Variants in CCL22 observed in about 807,000 individuals in gnomAD.
The protein encoded by CCL22 is C-C motif chemokine 22.
In CCL22, 7 loss-of-function variants were observed where a neutral mutation model predicts 7.6. The ratio of observed to expected loss-of-function variants is 0.92; its 90% CI spans 0.52 to 1.72. The LOEUF is 1.72. Ranked by LOEUF, CCL22 falls within the 40% of genes most tolerant of loss-of-function variation. The pLI is 0.00. For synonymous variants in CCL22, 55 were observed against 47.2 expected (o/e 1.17, Z -0.68); for missense variants, 115 against 124.7 (o/e 0.92, Z 0.37).
intron 2 of CCL22, among the ~76,000 whole-genome samples, chr16:57,361,792 A>G (rs1207543773): frequency 6.6e-6 from 1 of 152,016 alleles, no homozygotes; most frequent in Non-Finnish European, 1.5e-5. Context: ...TTGGGCCTCT[A>G]TTATCTTCTC....
rs765205372 is a variant in CCL22, at chr16:57,363,607, C to G, written c.*19C>G. Reference sequence around the variant, plus strand: ...CCAATGAAGAGCCTACTCTGATGACCGTGGCCTTGGCTCCTCCAGGAAGGC... The same window carrying G: ...CCAATGAAGAGCCTACTCTGATGACGGTGGCCTTGGCTCCTCCAGGAAGGC... On this transcript the variant is annotated 3_prime_UTR_variant, in exon 3 of 3. Coordinates refer to ENST00000219235, the MANE Select transcript of CCL22 (RefSeq NM_002990.5). The G allele has an allele frequency of 6.4e-7, 1 of 1,569,894 alleles. No individual in the cohort carries two copies. The highest frequency in any genetic ancestry group is 2.2e-5 in the East Asian group (1 of 44,694).
At position 57,360,479 on chromosome 16, in the gene CCL22, A is replaced by T. The variant is rs776925424; in HGVS notation, c.116A>T (p.Asp39Val). 10 of 1,614,222 alleles carry T rather than the reference A, an allele frequency of 6.2e-6. No individual in the cohort carries two copies. The Admixed American group carries it at 1.7e-4, about 27-fold the overall frequency. ...ANMEDSVCCR[D>V]YVRYRLPLRV... ...ATGGAAGACAGCGTCTGCTGCCGTG[A>T]TTACGTCCGTTACCGTCTGCCCCTG... is the stretch of plus-strand genomic sequence containing the variant. Residue 39 changes from aspartate to valine, a missense_variant, in exon 2 of 3, where the codon GAT becomes GTT. Physicochemically the swap from Asp to Val is radical, Grantham distance 152. Transcript: ENST00000219235.
rs759400823 is a variant in CCL22, at chr16:57,363,513, C to T, written c.207C>T (p.Thr69=). 6.2e-7 allele frequency: 1 copy of T among 1,612,210 alleles called. No individual in the cohort carries two copies. The highest frequency in any genetic ancestry group is 8.5e-7 in the Non-Finnish European group (1 of 1,178,370). The change falls in exon 3 of 3, where the codon ACC becomes ACT. Residue 69 remains threonine (T), a synonymous_variant. Coordinates refer to ENST00000219235, the MANE Select transcript of CCL22 (RefSeq NM_002990.5). ...SCPRPGVVLL[T]FRDKEICADP... ...GGTCTCCTTCTTCCAGGTTGCTAACCTTCAGGGATAAGGAGATCTGTGCCG... is the reference window on the plus strand; with the variant it reads ...GGTCTCCTTCTTCCAGGTTGCTAACTTTCAGGGATAAGGAGATCTGTGCCG...
chr16:57,363,626 G>A lies in CCL22; in HGVS notation c.*38G>A, dbSNP rs1432496110. The A allele has an allele frequency of 7.6e-7, 1 of 1,323,086 alleles. No individual in the cohort carries two copies. Among genetic ancestry groups the A allele is most frequent in the Non-Finnish European group, 1.1e-6 (1 of 916,074 alleles). The allele number at this position is 1,323,086 out of a possible 1,614,324, so 82.0% of individuals were successfully genotyped here. ...GATGACCGTGGCCTTGGCTCCTCCA[G>A]GAAGGCTCAGGAGCCCTACCTCCCT... is the stretch of plus-strand genomic sequence containing the variant. On this transcript the variant is annotated 3_prime_UTR_variant, in exon 3 of 3. Coordinates refer to ENST00000219235, the MANE Select transcript of CCL22 (RefSeq NM_002990.5).
chr16:57,362,973 G>C (rs1265033071), intron 2 of CCL22, among the ~76,000 whole-genome samples: 2 of 152,008 alleles, frequency 1.3e-5, no homozygotes, highest in African/African-American at 4.8e-5. Flanking sequence ...TGAGGGTCCT[G>C]GAAGTCCTTG....
intron 1 of CCL22, 123 bp from the exon 2 acceptor site, chr16:57,360,314 C>T: frequency 8.2e-7 from 1 of 1,222,602 alleles, no homozygotes; most frequent in East Asian, 2.4e-5. Flanking sequence ...ACCATCCTTC[C>T]ACATGAGAAC....
At chr16:57,363,457 C>CG in intron 2 of CCL22, 47 bp from the exon 3 acceptor site, 1 of 1,287,166 alleles carries the variant, frequency 7.8e-7, no homozygotes, top group Non-Finnish European at 1.1e-6. Flanking sequence ...GGCATCCTTG[C>CG]TGCGTGCTAA....
At chr16:57,362,553 GA>G (rs1398915958) in intron 2 of CCL22, among the ~76,000 whole-genome samples, 1 of 152,032 alleles carries the variant, frequency 6.6e-6, no homozygotes, top group African/African-American at 2.4e-5. Context: ...GTAGTTAAGT[GA>G]TATTATAAGA....
In CCL22 at chr16:57,360,580, C is replaced by T. The variant is rs1305396197; in HGVS notation, c.197+20C>T. The T allele has an allele frequency of 6.2e-7, 1 of 1,613,866 alleles. No individual in the cohort carries two copies. The highest frequency in any genetic ancestry group is 1.1e-5 in the South Asian group (1 of 91,078). On this transcript the variant is annotated intron_variant, in intron 2 of 2. Transcript: ENST00000219235. Reference sequence around the variant, plus strand: ...CGTGGTGTGAGTAGGGAGCTGGGGCCACAGGGCCTTGGTGGGCCTGACGGG... The same window carrying T: ...CGTGGTGTGAGTAGGGAGCTGGGGCTACAGGGCCTTGGTGGGCCTGACGGG...
intron 2 of CCL22, among the ~76,000 whole-genome samples, chr16:57,361,952 A>G (rs1325234007): frequency 1.3e-5 from 2 of 152,116 alleles, no homozygotes. Flanking sequence ...TAATAACCTA[A>G]ACTTATTTGA....
intron 2 of CCL22, among the ~76,000 whole-genome samples, chr16:57,362,980 C>T (rs1453217811): frequency 6.6e-6 from 1 of 152,024 alleles, no homozygotes; most frequent in Non-Finnish European, 1.5e-5. Flanking sequence ...CCTGGAAGTC[C>T]TTGCTGCCTC....
At position 57,360,436 on chromosome 16, in the gene CCL22, G is replaced by A. The variant is rs1328403562; in HGVS notation, c.74-1G>A. On this transcript the variant is annotated splice_acceptor_variant, in intron 1 of 2. Transcript: ENST00000219235. LOFTEE classifies it high-confidence loss of function. Reference sequence around the variant, plus strand: ...GAATTCACTGGGGACCCCTCCCCTAGGCCCCTACGGCGCCAACATGGAAGA... The same window carrying A: ...GAATTCACTGGGGACCCCTCCCCTAAGCCCCTACGGCGCCAACATGGAAGA... 6.2e-7 allele frequency: 1 copy of A among 1,614,050 alleles called. No homozygotes were observed. Among genetic ancestry groups the A allele is most frequent in the Non-Finnish European group, 8.5e-7 (1 of 1,180,038 alleles).
intron 2 of CCL22, among the ~76,000 whole-genome samples, chr16:57,360,861 A>G (rs1902041094): frequency 6.6e-6 from 1 of 152,218 alleles, no homozygotes; most frequent in Non-Finnish European, 1.5e-5. Flanking sequence ...TGGGTATGGC[A>G]GTAGGTAGTC....
chr16:57,361,117 A>G (rs796730590), intron 2 of CCL22, among the ~76,000 whole-genome samples: 6 of 151,916 alleles, frequency 3.9e-5, no homozygotes, highest in African/African-American at 1.2e-4. Flanking sequence ...AAATTAGCTG[A>G]GTGTGATGGT....
At chr16:57,359,718 C>T (rs223817) in intron 1 of CCL22, among the ~76,000 whole-genome samples, 107,677 of 151,100 alleles carry the variant, frequency 0.71, 41,356 homozygotes, top group Non-Finnish European at 0.87. Context: ...CTGCAACCTC[C>T]ACCTCTGGAG....
chr16:57,363,321 C>T (rs1439459174), intron 2 of CCL22, among the ~76,000 whole-genome samples, 183 bp from the exon 3 acceptor site: 1 of 152,164 alleles, frequency 6.6e-6, no homozygotes, highest in Non-Finnish European at 1.5e-5. Context: ...TCTTTTCACA[C>T]CACAGGTGGC....
intron 2 of CCL22, 63 bp downstream of exon 2, chr16:57,360,623 C>T: frequency 6.2e-7 from 1 of 1,602,440 alleles, no homozygotes; most frequent in African/African-American, 1.3e-5. Flanking sequence ...TGGGATGGCC[C>T]AGGTGCTGGT....
chr16:57,361,717 T>C (rs1306979123), intron 2 of CCL22, among the ~76,000 whole-genome samples: 1 of 152,218 alleles, frequency 6.6e-6, no homozygotes, highest in Non-Finnish European at 1.5e-5. Context: ...CTCCAACTGC[T>C]CAGAGCCTGC....
At chr16:57,362,415 G>T (rs548460746) in intron 2 of CCL22, among the ~76,000 whole-genome samples, 21 of 152,272 alleles carry the variant, frequency 1.4e-4, no homozygotes, top group Admixed American at 1.4e-3. Flanking sequence ...GAGGCCAGGA[G>T]TTCAAGACAA....
Sources: gnomAD v4.1 joint callset for allele counts (sites outside exome capture counted in the v4.1 genomes callset) on GRCh38, gnomAD v4.1.1 for gene constraint, MANE v1.5 for transcripts, NCBI Gene and HGNC (gene_info 2026-07-23, HGNC 2026-07-21) for gene names.